Variants in DNAH1 observed in about 807,000 individuals in gnomAD.
DNAH1 encodes dynein axonemal heavy chain 1, also known as axonemal beta dynein heavy chain 1.
In DNAH1, 327 loss-of-function variants were observed where a neutral mutation model predicts 484.3. The ratio of observed to expected loss-of-function variants is 0.68; its 90% confidence interval spans 0.62 to 0.74. DNAH1 has a LOEUF of 0.74. Ranked by LOEUF, DNAH1 falls within the 30% of genes least tolerant of loss-of-function variation. DNAH1 has a pLI of 0.00. For synonymous variants in DNAH1, 2,192 were observed against 2,191.9 expected (o/e 1.00, Z 0.00); for missense variants, 5,052 against 5,546.8 (o/e 0.91, Z 2.83).
chr3:52,326,177 C>T lies in DNAH1; in HGVS notation c.444C>T (p.Arg148=), dbSNP rs770809590. Residue 148 remains arginine, a synonymous_variant, in exon 4 of 78, where the codon CGC becomes CGT. Transcript: ENST00000420323. Reference sequence around the variant, plus strand: ...AGGTTCCTGAAGACTTCCAGGAGCGCATGGAGCAGCAGTGCATCGGGTCCA... The same window carrying T: ...AGGTTCCTGAAGACTTCCAGGAGCGTATGGAGCAGCAGTGCATCGGGTCCA... ...SFEVPEDFQE[R]MEQQCIGSTT... 6.2e-7 allele frequency: 1 copy of T among 1,612,132 alleles called. No individual in the cohort carries two copies. The highest frequency in any genetic ancestry group is 1.3e-5 in the African/African-American group (1 of 74,912).
At chr3:52,331,370 T>G in intron 7 of DNAH1, 61 bp downstream of exon 7, 1 of 1,538,102 alleles carries the variant, frequency 6.5e-7, no homozygotes, top group Non-Finnish European at 8.8e-7. Context: ...GGCCTGTGAC[T>G]GAGGCCAACT....
rs921033531 is a variant in DNAH1 at position 52,377,420 on chromosome 3, C to T, written c.7199-1182C>T. The stretch of plus-strand genomic sequence containing the variant: ...GCCCACCCAGCCAGTGCTGTAGCCC[C>T]GCCATGGTCTCCTGGCAGCTGCCTT... On this transcript the variant is annotated intron_variant, in intron 46 of 77. Transcript: ENST00000420323. Among the ~76,000 whole-genome samples the T allele has an allele frequency of 3.3e-5, 5 of 152,130 alleles. No individual in the cohort carries two copies. In the East Asian group the frequency reaches 7.8e-4, roughly 24 times the overall value.
chr3:52,346,577 T>C lies in DNAH1; in HGVS notation c.1762T>C (p.Trp588Arg). Residue 588 changes from tryptophan (W) to arginine (R), a missense_variant, in exon 11 of 78, where the codon TGG (tryptophan) becomes CGG (arginine). Coordinates refer to ENST00000420323, the MANE Select transcript of DNAH1 (RefSeq NM_015512.5). ...KGWYNLYETN[W>R]EVYLMSKLRK... ...CTGGTACAACCTCTACGAGACCAAC[T>C]GGGAGGTGTACCTCATGTCCAAGCT... is the stretch of plus-strand genomic sequence containing the variant. 1 of 1,614,046 alleles carries C rather than the reference T, an allele frequency of 6.2e-7. No individual in the cohort carries two copies. Among genetic ancestry groups the C allele is most frequent in the Non-Finnish European group, 8.5e-7 (1 of 1,179,888 alleles).
At chr3:52,377,079 T>G (rs941576096) in intron 46 of DNAH1, among the ~76,000 whole-genome samples, 4 of 152,136 alleles carry the variant, frequency 2.6e-5, no homozygotes, top group African/African-American at 9.7e-5. Flanking sequence ...ACCATCTTTG[T>G]GCTGGCAACT....
chr3:52,362,982 C>T lies in DNAH1; in HGVS notation c.5095-13C>T. The T allele has an allele frequency of 6.2e-7, 1 of 1,613,818 alleles. No individual in the cohort carries two copies. The highest frequency in any genetic ancestry group is 8.5e-7 in the Non-Finnish European group (1 of 1,179,820). On this transcript the variant is annotated splice_polypyrimidine_tract_variant and intron_variant, in intron 31 of 77. Coordinates refer to ENST00000420323, the MANE Select transcript of DNAH1 (RefSeq NM_015512.5). The surrounding 1 kb of genome is among the most constrained non-coding windows in gnomAD (Gnocchi z 5.1). ...GCTCTGTTTGCTGTTCACATGTGCACTGTGTGTCCCAGGCGCTCTTCCGAC... is the reference window on the plus strand; with the variant it reads ...GCTCTGTTTGCTGTTCACATGTGCATTGTGTGTCCCAGGCGCTCTTCCGAC...
At position 52,392,810 on chromosome 3, in the gene DNAH1, C is replaced by T. The variant is rs763349618; in HGVS notation, c.10279-20C>T. 1 of 619,188 alleles carries T rather than the reference C, an allele frequency of 1.6e-6. No homozygotes were observed. Among genetic ancestry groups the T allele is most frequent in the East Asian group, 5.0e-5 (1 of 20,182 alleles). The allele number at this position is 619,188 out of a possible 1,614,324, so 38.4% of individuals were successfully genotyped here. A position where few individuals can be genotyped will look rare whatever the true frequency, so the allele number is the denominator to read the frequency against. On this transcript the variant is annotated intron_variant, in intron 64 of 77. Coordinates refer to ENST00000420323, the MANE Select transcript of DNAH1 (RefSeq NM_015512.5). ...TACCTTCTGCTCTTTGACCCCTCCC[C>T]CCACCCACTACACCCACAGGCCAAA...
At chr3:52,384,276 G>A (rs972472799) in intron 52 of DNAH1, among the ~76,000 whole-genome samples, 2 of 152,208 alleles carry the variant, frequency 1.3e-5, no homozygotes, top group African/African-American at 2.4e-5. Flanking sequence ...TTCCCTGAGG[G>A]CCCCATGGTG....
chr3:52,381,705 G>A lies in DNAH1; in HGVS notation c.7674G>A (p.Leu2558=), dbSNP rs1180882106. Residue 2558 remains leucine, a synonymous_variant, in exon 49 of 78, where the codon CTG becomes CTA. Coordinates refer to ENST00000420323, the MANE Select transcript of DNAH1 (RefSeq NM_015512.5). The surrounding 1 kb of genome is among the most constrained non-coding windows in gnomAD (Gnocchi z 4.1). ...AGATCAACACGGCCAAGCTGAAGCT[G>A]GTCCTCTTCATGGACGCCATGAGCC... ...YNQINTAKLK[L]VLFMDAMSHI... 6.2e-7 allele frequency: 1 copy of A among 1,607,114 alleles called. No homozygotes were observed. Among genetic ancestry groups the A allele is most frequent in the African/African-American group, 1.3e-5 (1 of 74,772 alleles).
intron 44 of DNAH1, among the ~76,000 whole-genome samples, chr3:52,373,273 G>A (rs1257639131): frequency 2.0e-5 from 3 of 152,052 alleles, no homozygotes; most frequent in Admixed American, 6.5e-5. Context: ...AAGGGGAAGC[G>A]AGAGCAAGTG....
At chr3:52,386,610 G>T (rs571680922) in intron 55 of DNAH1, 52 bp from the exon 56 acceptor site, 2 of 1,492,042 alleles carry the variant, frequency 1.3e-6, no homozygotes, top group Non-Finnish European at 1.8e-6. Flanking sequence ...GGTCCCTGCC[G>T]AGGGGTGCCC....
At chr3:52,377,360 C>T (rs367572663) in intron 46 of DNAH1, among the ~76,000 whole-genome samples, 5 of 152,038 alleles carry the variant, frequency 3.3e-5, no homozygotes, top group African/African-American at 1.2e-4. Flanking sequence ...CTTGAGAACC[C>T]ATCCCAATCG....
chr3:52,340,313 C>G (rs2153223527), intron 8 of DNAH1, among the ~76,000 whole-genome samples: 1 of 152,222 alleles, frequency 6.6e-6, no homozygotes, highest in South Asian at 2.1e-4. Context: ...AATTCCTGGG[C>G]TCAATTCATC....
Position 52,384,957 on chromosome 3 carries a change from A to G in DNAH1, c.8494A>G (p.Met2832Val). ...GGAGCTGAAAACTGCCAAGAACCGC[A>G]TGAAGAGCGGCCTCGACAAGGTGGG... Reference protein sequence around the residue: ...KLELKTAKNRMKSGLDKLLRT... With the variant: ...KLELKTAKNRVKSGLDKLLRT... The change falls in exon 53 of 78, where the codon ATG becomes GTG. Residue 2832 changes from methionine (M) to valine (V), a missense_variant. Physicochemically the swap from Met to Val is conservative, Grantham distance 21. Transcript: ENST00000420323. The G allele has an allele frequency of 6.2e-7, 1 of 1,613,370 alleles. No homozygotes were observed. The highest frequency in any genetic ancestry group is 8.5e-7 in the Non-Finnish European group (1 of 1,179,664).
chr3:52,335,956 G>A (rs1269636794), intron 8 of DNAH1, among the ~76,000 whole-genome samples: 1 of 152,170 alleles, frequency 6.6e-6, no homozygotes, highest in African/African-American at 2.4e-5. Context: ...TTTTTAAATA[G>A]AATTATTCAT....
Position 52,381,350 on chromosome 3 carries a change from T to C in DNAH1, c.7609-290T>C, listed in dbSNP as rs1703835084. ...CTGGTGTTGAACTCCTGGGCTCAAG[T>C]GATCCTCCCGCCTTGGCTTCCCACA... On this transcript the variant is annotated intron_variant, in intron 48 of 77. Coordinates refer to ENST00000420323, the MANE Select transcript of DNAH1 (RefSeq NM_015512.5). This position sits in a 1 kb window ranked among gnomAD's most constrained non-coding sequence, Gnocchi z 4.1. Among the ~76,000 whole-genome samples the C allele has an allele frequency of 6.6e-6, 1 of 152,180 alleles. No homozygotes were observed. Among genetic ancestry groups the C allele is most frequent in the Admixed American group, 6.5e-5 (1 of 15,280 alleles).
In DNAH1 at chr3:52,395,317, C is replaced by A. The variant is rs756871994; in HGVS notation, c.10978C>A (p.Leu3660Met). Residue 3660 changes from leucine (L) to methionine (M), a missense_variant, in exon 69 of 78, where the codon CTG (leucine) becomes ATG (methionine). Physicochemically the swap from Leu to Met is conservative, Grantham distance 15. This residue lies in a region of DNAH1 where 853 missense variants were observed against 899.0 expected (regional missense o/e 0.95). Transcript: ENST00000420323. The surrounding 1 kb of genome is among the most constrained non-coding windows in gnomAD (Gnocchi z 4.4). ...PRFIEPQTAN[L>M]SVVFKDSNST... The stretch of plus-strand genomic sequence containing the variant: ...CCCCCTGCCCTTGCAGACAGCCAAT[C>A]TGTCAGTGGTGTTCAAAGACTCCAA... 7 of 1,613,488 alleles carry A rather than the reference C, an allele frequency of 4.3e-6. No individual in the cohort carries two copies. In the South Asian group the frequency reaches 5.5e-5, roughly 13 times the overall value.
chr3:52,366,737 A>G lies in DNAH1; in HGVS notation c.5615A>G (p.Tyr1872Cys). 6.2e-7 allele frequency: 1 copy of G among 1,610,508 alleles called. No individual in the cohort carries two copies. The highest frequency in any genetic ancestry group is 8.5e-7 in the Non-Finnish European group (1 of 1,177,918). ...GPTGSGKSTC[Y>C]RVLAAAMTSL... ...CTCAGGCGGTCCGTCTCCCAGTGTTACAGAGTCCTGGCAGCTGCCATGACG... is the reference window on the plus strand; with the variant it reads ...CTCAGGCGGTCCGTCTCCCAGTGTTGCAGAGTCCTGGCAGCTGCCATGACG... The change falls in exon 36 of 78, where the codon TAC becomes TGC. Residue 1872 changes from tyrosine to cysteine, a missense_variant. By Grantham distance (194) the Tyr-to-Cys change is radical. Coordinates refer to ENST00000420323, the MANE Select transcript of DNAH1 (RefSeq NM_015512.5).
upstream of DNAH1, among the ~76,000 whole-genome samples, chr3:52,315,613 A>G (rs1700924289): frequency 6.6e-6 from 1 of 152,158 alleles, no homozygotes; most frequent in Admixed American, 6.5e-5. Context: ...TCTTGTAGAA[A>G]CCTAGTCCTC....
chr3:52,397,110 C>T (rs1401488047), intron 73 of DNAH1, 66 bp downstream of exon 73: 7 of 1,435,400 alleles, frequency 4.9e-6, no homozygotes, highest in African/African-American at 4.3e-5. Context: ...GTACCATGAG[C>T]ACCTTGGTGC....
Sources: gnomAD v4.1 joint callset for allele counts (sites outside exome capture counted in the v4.1 genomes callset) on GRCh38, gnomAD v4.1.1 for gene constraint, gnomAD v4.1.1 regional missense constraint, Gnocchi (gnomAD v3.1) non-coding constraint, MANE v1.5 for transcripts, NCBI Gene and HGNC (gene_info 2026-07-23, HGNC 2026-07-21) for gene names.